Variants in TBX5 observed in about 807,000 individuals in gnomAD.
TBX5 encodes T-box transcription factor 5.
A neutral mutation model predicts 51.1 loss-of-function variants in TBX5; 8 were observed. That is an observed-to-expected ratio of 0.16 (90% confidence interval 0.09 to 0.28). The LOEUF (loss-of-function observed/expected upper bound fraction) is 0.28, where lower values mean the gene tolerates loss of function less well. TBX5 is among the 10% of genes least tolerant of loss of function. The pLI is 1.00. For synonymous variants in TBX5, 302 were observed against 266.4 expected (o/e 1.13, Z -1.30); for missense variants, 589 against 671.7 (o/e 0.88, Z 1.36).
chr12:114,370,750 T>C (rs74661220), intron 7 of TBX5, among the ~76,000 whole-genome samples: 1 of 147,838 alleles, frequency 6.8e-6, no homozygotes, highest in African/African-American at 2.5e-5. Flanking sequence ...CCTTTTTTTT[T>C]CCTATCAGTT....
chr12:114,362,750 G>A (rs764874405), intron 8 of TBX5, among the ~76,000 whole-genome samples: 5 of 151,982 alleles, frequency 3.3e-5, no homozygotes, highest in Admixed American at 1.3e-4. Context: ...CTGCAGCCTC[G>A]AACTCCTGGG....
chr12:114,356,301 T>G (rs1445926713), intron 8 of TBX5, among the ~76,000 whole-genome samples, 195 bp from the exon 9 acceptor site: 2 of 152,314 alleles, frequency 1.3e-5, no homozygotes, highest in South Asian at 2.1e-4. Context: ...ATGCAAACAG[T>G]TTGACCTTTC....
rs1301714981 is a variant in TBX5, at chr12:114,398,970, C to G, written c.363-250G>C. On this transcript the variant is annotated intron_variant, in intron 4 of 8. Coordinates refer to ENST00000405440, the MANE Select transcript of TBX5 (RefSeq NM_181486.4). ...CCTCTCGCATCCCACAAAAAAGTGG[C>G]GGGTTCTGGAGGTCTGGACGTGCAA... is the stretch of plus-strand genomic sequence containing the variant. Among the ~76,000 whole-genome samples the G allele has an allele frequency of 2.0e-5, 3 of 152,244 alleles. No individual in the cohort carries two copies. The East Asian group carries it at 5.8e-4, about 29-fold the overall frequency.
chr12:114,360,451 G>A (rs1477078856), intron 8 of TBX5, among the ~76,000 whole-genome samples: 14 of 149,848 alleles, frequency 9.3e-5, no homozygotes, highest in African/African-American at 3.4e-4. Flanking sequence ...TGGATGGATG[G>A]GTGGTTGGAT....
chr12:114,375,011 C>T (rs771305078), intron 7 of TBX5, among the ~76,000 whole-genome samples: 1 of 152,170 alleles, frequency 6.6e-6, no homozygotes, highest in Admixed American at 6.5e-5. Context: ...CATGGGCACT[C>T]ATCGTACAAT....
At chr12:114,407,183 C>T (rs375615236), upstream of TBX5, 9 of 894,026 alleles carry the variant, frequency 1.0e-5, no homozygotes, top group African/African-American at 1.6e-4. Flanking sequence ...AGTGGAGAAT[C>T]TCCAACCCTG....
At chr12:114,362,961 G>A (rs1479076095) in intron 8 of TBX5, among the ~76,000 whole-genome samples, 3 of 152,188 alleles carry the variant, frequency 2.0e-5, no homozygotes, top group Non-Finnish European at 4.4e-5. Flanking sequence ...ACAGTGCCAG[G>A]CTTCACAATT....
chr12:114,381,911 G>C (rs986203972), intron 7 of TBX5, among the ~76,000 whole-genome samples: 5 of 152,176 alleles, frequency 3.3e-5, no homozygotes, highest in Non-Finnish European at 4.4e-5. Flanking sequence ...TGGCTCTTAG[G>C]CTGAGAGGTT....
chr12:114,365,349 C>T (rs1195120948), intron 8 of TBX5, among the ~76,000 whole-genome samples: 1 of 152,044 alleles, frequency 6.6e-6, no homozygotes, highest in Non-Finnish European at 1.5e-5. Flanking sequence ...TCCCTGCCTA[C>T]CAGAGGGAGT....
upstream of TBX5, chr12:114,407,184 T>G (rs761103242): frequency 1.1e-6 from 1 of 890,272 alleles, no homozygotes; most frequent in African/African-American, 1.8e-5. Flanking sequence ...GTGGAGAATC[T>G]CCAACCCTGA....
intron 4 of TBX5, among the ~76,000 whole-genome samples, chr12:114,399,204 CCAGA>C (rs1348032069): frequency 6.6e-6 from 1 of 152,158 alleles, no homozygotes; most frequent in Non-Finnish European, 1.5e-5. Context: ...TTTTATGCCC[CCAGA>C]AATACCTCCA....
chr12:114,364,833 T>G (rs948579169), intron 8 of TBX5, among the ~76,000 whole-genome samples: 1 of 152,164 alleles, frequency 6.6e-6, no homozygotes, highest in African/African-American at 2.4e-5. Flanking sequence ...CTAGAACACC[T>G]GAGTGAGGTC....
At chr12:114,401,717 C>T in intron 3 of TBX5, 109 bp downstream of exon 3, 3 of 933,626 alleles carry the variant, frequency 3.2e-6, no homozygotes, top group Non-Finnish European at 3.5e-6. Context: ...CTCTATATTC[C>T]CTCTCCTTTT....
rs536770915 is a variant in TBX5, at chr12:114,404,116, A to G, written c.-38-180T>C. On this transcript the variant is annotated intron_variant, in intron 1 of 8. Coordinates refer to ENST00000405440, the MANE Select transcript of TBX5 (RefSeq NM_181486.4). ...AGGCCCTAGAATTATTACTGTTACT[A>G]GTATTCCTAGTAGTATTACTATTAC... Among the ~76,000 whole-genome samples the G allele has an allele frequency of 3.9e-5, 6 of 152,322 alleles. No individual in the cohort carries two copies. In the East Asian group the frequency reaches 1.2e-3, roughly 29 times the overall value.
intron 7 of TBX5, among the ~76,000 whole-genome samples, chr12:114,370,638 CCTCTCTCTCT>C (rs142620191): frequency 3.4e-5 from 5 of 146,868 alleles, no homozygotes; most frequent in Admixed American, 6.8e-5. Context: ...ATGATCTCTC[CCTCTCTCTCT>C]CTCTCTCTCT....
intron 6 of TBX5, among the ~76,000 whole-genome samples, chr12:114,390,181 A>G (rs1433192108): frequency 6.6e-6 from 1 of 152,232 alleles, no homozygotes; most frequent in East Asian, 1.9e-4. Context: ...CTGATTATAG[A>G]TGCCTATATG....
chr12:114,397,833 A>G (rs188069087), intron 5 of TBX5, among the ~76,000 whole-genome samples: 2 of 152,344 alleles, frequency 1.3e-5, no homozygotes, highest in East Asian at 3.9e-4. Context: ...CTGGCACCAT[A>G]GTTCTCTTAT....
chr12:114,367,723 G>C (rs1040098893), intron 7 of TBX5, among the ~76,000 whole-genome samples: 1 of 152,174 alleles, frequency 6.6e-6, no homozygotes, highest in Non-Finnish European at 1.5e-5. Context: ...ATCCAAGTAT[G>C]TGAGAGAAGA....
Position 114,405,941 on chromosome 12 carries a change from C to A in TBX5, c.-352G>T, listed in dbSNP as rs139857351. On this transcript the variant is annotated 5_prime_UTR_variant, in exon 1 of 9. Coordinates refer to ENST00000405440, the MANE Select transcript of TBX5 (RefSeq NM_181486.4). ...CATATAATCTCAGTGCCCCGCTCCT[C>A]CTTTACACCCCCAGGGAGGGAAAGT... The A allele has an allele frequency of 9.0e-5, 89 of 985,340 alleles. No individual in the cohort carries two copies. Among genetic ancestry groups the A allele is most frequent in the Non-Finnish European group, 1.1e-4 (88 of 829,988 alleles). 61.0% of individuals were successfully genotyped at this position (985,340 alleles called of 1,614,324 possible).
Sources: allele counts gnomAD v4.1 joint callset (sites outside exome capture counted in the v4.1 genomes callset), GRCh38; gene constraint gnomAD v4.1.1; transcripts MANE v1.5; gene names NCBI Gene and HGNC (gene_info 2026-07-23, HGNC 2026-07-21).